ASH1L: variants seen among roughly 807,000 people sequenced by gnomAD.
The protein encoded by ASH1L is histone-lysine N-methyltransferase ASH1L.
ASH1L carries 23 observed loss-of-function variants against 269.0 expected under a neutral mutation model. The ratio of observed to expected loss-of-function variants is 0.09; its 90% CI spans 0.06 to 0.12. The LOEUF is 0.12. Ranked by LOEUF, ASH1L falls within the 10% of genes least tolerant of loss-of-function variation. ASH1L has a pLI of 1.00. For missense variants in ASH1L, 2,912 were observed against 3,567.8 expected (o/e 0.82, Z 4.68); for synonymous variants, 1,187 against 1,253.5 (o/e 0.95, Z 1.12).
chr1:155,504,854 C>CA (rs397860297), intron 2 of ASH1L, among the ~76,000 whole-genome samples: 1,047 of 76,928 alleles, frequency 0.014, 8 homozygotes, highest in African/African-American at 0.028. Context: ...AACTCCATCT[C>CA]AAAAAAAAAA....
intron 2 of ASH1L, among the ~76,000 whole-genome samples, chr1:155,497,953 C>A (rs952100335): frequency 4.6e-5 from 7 of 151,856 alleles, no homozygotes; most frequent in African/African-American, 1.7e-4. Flanking sequence ...AGGGTTTCAC[C>A]GTGTTAGCCA....
intron 6 of ASH1L, among the ~76,000 whole-genome samples, chr1:155,415,413 A>C (rs1050563633): frequency 7.9e-5 from 12 of 151,880 alleles, no homozygotes; most frequent in Non-Finnish European, 1.2e-4. Context: ...AAAAGAAAAG[A>C]AAAGCATCAT....
intron 2 of ASH1L, among the ~76,000 whole-genome samples, chr1:155,511,928 A>G (rs1668186370): frequency 6.6e-6 from 1 of 151,838 alleles, no homozygotes; most frequent in African/African-American, 2.4e-5. Flanking sequence ...CTCCTGTCTC[A>G]GCCTCCCAAG....
chr1:155,550,448 T>A (rs992902791), intron 1 of ASH1L, among the ~76,000 whole-genome samples: 46 of 152,214 alleles, frequency 3.0e-4, no homozygotes, highest in African/African-American at 1.1e-3. Flanking sequence ...AGTCTTTAAG[T>A]CCCTATGTTA....
chr1:155,536,278 G>C (rs1401565149), intron 1 of ASH1L, among the ~76,000 whole-genome samples: 1 of 152,116 alleles, frequency 6.6e-6, no homozygotes, highest in African/African-American at 2.4e-5. Context: ...AGACTGAGAG[G>C]GCATGCAGGA....
chr1:155,415,733 C>A lies in ASH1L; in HGVS notation c.6008+11G>T, dbSNP rs774024794. Reference sequence around the variant, plus strand: ...AAAAAGGGATGTTAGCTAATAGGTACTACTACTTACTCTGTAGTTTTGTAA... The same window carrying A: ...AAAAAGGGATGTTAGCTAATAGGTAATACTACTTACTCTGTAGTTTTGTAA... On this transcript the variant is annotated intron_variant, in intron 6 of 27. Coordinates refer to ENST00000392403, the MANE Select transcript of ASH1L (RefSeq NM_018489.3). 2.7e-5 allele frequency: 44 copies of A among 1,611,646 alleles called. No individual in the cohort carries two copies. Among genetic ancestry groups the A allele is most frequent in the Non-Finnish European group, 3.4e-5 (40 of 1,178,858 alleles).
intron 1 of ASH1L, among the ~76,000 whole-genome samples, chr1:155,553,728 T>A (rs1385520161): frequency 6.6e-6 from 1 of 152,200 alleles, no homozygotes; most frequent in African/African-American, 2.4e-5. Flanking sequence ...TATCGTAGTA[T>A]GTTTGTTAAC....
chr1:155,476,996 C>T (rs1665601074), intron 3 of ASH1L, among the ~76,000 whole-genome samples: 1 of 152,092 alleles, frequency 6.6e-6, no homozygotes, highest in Non-Finnish European at 1.5e-5. Flanking sequence ...AGAGAATTTA[C>T]TTGGAAAATC....
rs769685270 is a variant in ASH1L at position 155,338,160 on chromosome 1, C to T, written c.8732G>A (p.Arg2911Gln). The T allele has an allele frequency of 6.8e-6, 11 of 1,614,042 alleles. No homozygotes were observed. In the East Asian group the frequency reaches 8.9e-5, roughly 13 times the overall value. ...EPQSTCTPEE[R>Q]RHNQRERLNQ... ...GAGTCGTTCCCGTTGGTTATGCCGT[C>T]GTTCCTCAGGGGTACAGGTTGACTG... The change falls in exon 27 of 28, where the codon CGA (arginine) becomes CAA (glutamine). Residue 2911 changes from arginine to glutamine, a missense_variant. Around this residue, in one of 13 missense-constraint regions of ASH1L, gnomAD observed 154 missense variants for 165.0 expected, o/e 0.93. Transcript: ENST00000392403.
Position 155,562,660 on chromosome 1 carries a change from T to C in ASH1L, c.-607A>G. 1 of 1,524,078 alleles carries C rather than the reference T, an allele frequency of 6.6e-7. No homozygotes were observed. The highest frequency in any genetic ancestry group is 8.8e-7 in the Non-Finnish European group (1 of 1,139,288). The allele number at this position is 1,524,078 out of a possible 1,614,324, so 94.4% of individuals were successfully genotyped here. A position where few individuals can be genotyped will look rare whatever the true frequency, so the allele number is the denominator to read the frequency against. On this transcript the variant is annotated 5_prime_UTR_variant, in exon 1 of 28. Transcript: ENST00000392403. ...TGGCTGCTCCCACCAACCACCACCTTCGGCCGCCCCGCGCGCCAGCCAGCC... is the reference window on the plus strand; with the variant it reads ...TGGCTGCTCCCACCAACCACCACCTCCGGCCGCCCCGCGCGCCAGCCAGCC...
In ASH1L at chr1:155,415,843, G is replaced by A. The variant is rs1031043069; in HGVS notation, c.5909C>T (p.Pro1970Leu). The change falls in exon 6 of 28, where the codon CCT becomes CTT. Residue 1970 changes from proline (P) to leucine (L), a missense_variant. By Grantham distance (98) the Pro-to-Leu change is moderately conservative (BLOSUM62 -3). Around this residue, in one of 13 missense-constraint regions of ASH1L, gnomAD observed 193 missense variants for 311.6 expected, o/e 0.62. Coordinates refer to ENST00000392403, the MANE Select transcript of ASH1L (RefSeq NM_018489.3). Reference protein sequence around the residue: ...KPSEPESTLQPVLSLIPREKK... With the variant: ...KPSEPESTLQLVLSLIPREKK... ...TTCCCTTGGGATGAGAGAAAGCACAGGCTGCAAGGTACTTTCAGGTTCAGA... is the reference window on the plus strand; with the variant it reads ...TTCCCTTGGGATGAGAGAAAGCACAAGCTGCAAGGTACTTTCAGGTTCAGA... The A allele has an allele frequency of 6.2e-7, 1 of 1,613,924 alleles. No homozygotes were observed. Among genetic ancestry groups the A allele is most frequent in the Non-Finnish European group, 8.5e-7 (1 of 1,179,974 alleles).
chr1:155,431,370 G>T (rs12028416), intron 5 of ASH1L, among the ~76,000 whole-genome samples: 39,552 of 151,722 alleles, frequency 0.26, 5,937 homozygotes, highest in East Asian at 0.72. Flanking sequence ...GCTCATTGCA[G>T]CCTCAACCTC....
chr1:155,398,336 T>C (rs560586422), intron 6 of ASH1L, among the ~76,000 whole-genome samples: 3 of 152,330 alleles, frequency 2.0e-5, no homozygotes, highest in South Asian at 2.1e-4. Flanking sequence ...GTGAACATCA[T>C]AGAATATACT....
chr1:155,384,826 T>G (rs1164897693), intron 7 of ASH1L, among the ~76,000 whole-genome samples: 1 of 152,214 alleles, frequency 6.6e-6, no homozygotes, highest in African/African-American at 2.4e-5. Context: ...TTGGTAAGTT[T>G]CCAGTTGTTA....
At chr1:155,495,815 T>C (rs1256235758) in intron 2 of ASH1L, among the ~76,000 whole-genome samples, 3 of 152,058 alleles carry the variant, frequency 2.0e-5, no homozygotes, top group East Asian at 1.9e-4. Context: ...CTGGACAACA[T>C]GGCAAAACTG....
At chr1:155,461,623 CAG>C (rs971583677) in intron 3 of ASH1L, among the ~76,000 whole-genome samples, 2 of 152,024 alleles carry the variant, frequency 1.3e-5, no homozygotes, top group African/African-American at 4.8e-5. Context: ...GCCCAGGCAT[CAG>C]AGAAGACATA....
intron 12 of ASH1L, 107 bp downstream of exon 12, chr1:155,370,377 TCTGGGGTAATGGGGAACAGC>T (rs1655835652): frequency 8.6e-7 from 1 of 1,168,906 alleles, no homozygotes; most frequent in Admixed American, 1.9e-5. Context: ...GCCCGTGGGA[TCTGGGGTAATGGGGAACAGC>T]CTGAGCTGCT....
intron 2 of ASH1L, among the ~76,000 whole-genome samples, chr1:155,515,261 C>A (rs544617726): frequency 6.6e-6 from 1 of 152,288 alleles, no homozygotes; most frequent in South Asian, 2.1e-4. Context: ...ACGAATTGGA[C>A]TACTAAGTTT....
rs61628274 is a variant in ASH1L, at chr1:155,439,215, A to G, written c.5087-147T>C. On this transcript the variant is annotated intron_variant, in intron 4 of 27. Transcript: ENST00000392403. Reference sequence around the variant, plus strand: ...TAAATTGATGGTTTACTTTCCTGAAAAAGGTTATTACAACAAGATAAAACC... The same window carrying G: ...TAAATTGATGGTTTACTTTCCTGAAGAAGGTTATTACAACAAGATAAAACC... 284 of 904,544 alleles carry G rather than the reference A, an allele frequency of 3.1e-4. No individual in the cohort carries two copies. In the African/African-American group the frequency reaches 4.4e-3, roughly 14 times the overall value. 56.0% of individuals were successfully genotyped at this position (904,544 alleles called of 1,614,324 possible).
Sources: gnomAD v4.1 joint callset for allele counts (sites outside exome capture counted in the v4.1 genomes callset) on GRCh38, gnomAD v4.1.1 for gene constraint, gnomAD v4.1.1 regional missense constraint, MANE v1.5 for transcripts, NCBI Gene and HGNC (gene_info 2026-07-23, HGNC 2026-07-21) for gene names.